Variants in LGSN observed in about 807,000 individuals in gnomAD.
LGSN encodes lengsin, lens protein with glutamine synthetase domain, also known as lengsin.
In LGSN, 21 loss-of-function variants were observed where a neutral mutation model predicts 19.5. The ratio of observed to expected loss-of-function variants is 1.07; its 90% CI spans 0.76 to 1.55. The LOEUF (loss-of-function observed/expected upper bound fraction) is 1.55, where lower values mean the gene tolerates loss of function less well. LGSN is among the 40% of genes most tolerant of loss of function. The probability of loss-of-function intolerance (pLI) is 0.00; values close to 1 mark genes in which losing one functional copy is unlikely to be tolerated. For synonymous variants in LGSN, 257 were observed against 215.6 expected (o/e 1.19, Z -1.68); for missense variants, 673 against 608.5 (o/e 1.11, Z -1.12).
intron 1 of LGSN, among the ~76,000 whole-genome samples, chr6:63,301,242 G>C (rs921500743): frequency 3.3e-5 from 5 of 152,132 alleles, no homozygotes; most frequent in Non-Finnish European, 7.4e-5. Context: ...AGTGAGCCAA[G>C]ATTGCGCCAC....
the LGSN span, among the ~76,000 whole-genome samples, chr6:63,336,133 G>T: frequency 6.6e-6 from 1 of 152,118 alleles, no homozygotes; most frequent in East Asian, 1.9e-4. Context: ...TAAATAGAAG[G>T]AATAATTTAT....
At chr6:63,340,655 C>A in the LGSN span, among the ~76,000 whole-genome samples, 1 of 150,000 alleles carries the variant, frequency 6.7e-6, no homozygotes, top group African/African-American at 2.5e-5. Flanking sequence ...TTGAATTTCT[C>A]ATTCATATCA....
the LGSN span, among the ~76,000 whole-genome samples, chr6:63,467,683 A>G: frequency 8.1e-6 from 1 of 123,854 alleles, no homozygotes; most frequent in Non-Finnish European, 1.9e-5. Flanking sequence ...CTGTGGTCTC[A>G]TTTAATCTTT....
In LGSN at chr6:63,276,317, G is replaced by A. The variant is rs962089580; in HGVS notation, c.*3704C>T. 4 of 152,090 alleles carry A rather than the reference G, an allele frequency of 2.6e-5. No homozygotes were observed. The highest frequency in any genetic ancestry group is 2.1e-4 in the South Asian group (1 of 4,832). The allele number at this position is 152,090 out of a possible 1,614,324, so 9.4% of individuals were successfully genotyped here. On this transcript the variant is annotated 3_prime_UTR_variant, in exon 4 of 4. Coordinates refer to ENST00000370657, the MANE Select transcript of LGSN (RefSeq NM_016571.3). ...TTGCCTTCAAATAATCATTTCAAGCGTTGTTGTTATTCACACACTGTAAAA... is the reference window on the plus strand; with the variant it reads ...TTGCCTTCAAATAATCATTTCAAGCATTGTTGTTATTCACACACTGTAAAA...
the LGSN span, among the ~76,000 whole-genome samples, chr6:63,474,533 T>A: frequency 6.8e-6 from 1 of 147,058 alleles, no homozygotes; most frequent in African/African-American, 2.5e-5. Flanking sequence ...GGCATGAACC[T>A]GGGAGGTGGA....
the LGSN span, among the ~76,000 whole-genome samples, chr6:63,449,709 T>A: frequency 2.0e-5 from 3 of 152,052 alleles, no homozygotes; most frequent in African/African-American, 7.2e-5. Context: ...TATCTGATGT[T>A]TGAGGCTATT....
Position 63,280,144 on chromosome 6 carries a change from A to G in LGSN, c.1407T>C (p.Asp469=). 1 of 1,614,224 alleles carries G rather than the reference A, an allele frequency of 6.2e-7. No individual in the cohort carries two copies. The highest frequency in any genetic ancestry group is 1.1e-5 in the South Asian group (1 of 91,090). Residue 469 remains aspartate, a synonymous_variant, in exon 4 of 4, where the codon GAT becomes GAC. Coordinates refer to ENST00000370657, the MANE Select transcript of LGSN (RefSeq NM_016571.3). ...LEDALVALEE[D]QCLRQALGET... ...CTCCTAGAGCCTGTCTCAGGCATTG[A>G]TCTTCTTCCAGTGCCACAAGGGCAT...
At chr6:63,341,502 G>A in the LGSN span, among the ~76,000 whole-genome samples, 2 of 152,124 alleles carry the variant, frequency 1.3e-5, no homozygotes, top group Non-Finnish European at 2.9e-5. Flanking sequence ...AGTAGCAGCA[G>A]CCCCAGGAAG....
At chr6:63,353,946 C>T in the LGSN span, among the ~76,000 whole-genome samples, 2 of 151,992 alleles carry the variant, frequency 1.3e-5, no homozygotes, top group Non-Finnish European at 2.9e-5. Context: ...TATTTATACA[C>T]AGAAGAATGA....
chr6:63,494,101 C>A, the LGSN span, among the ~76,000 whole-genome samples: 1 of 152,022 alleles, frequency 6.6e-6, no homozygotes, highest in Non-Finnish European at 1.5e-5. Flanking sequence ...AGGCATGTGC[C>A]ACCGTGTCCG....
chr6:63,378,034 GAAAAAA>G, the LGSN span, among the ~76,000 whole-genome samples: 5 of 85,442 alleles, frequency 5.9e-5, no homozygotes, highest in Admixed American at 1.4e-4. Context: ...CCAGATTTTT[GAAAAAA>G]AAAAAAAAAA....
At chr6:63,321,668 A>G (rs770536472), upstream of LGSN, among the ~76,000 whole-genome samples, 1 of 152,198 alleles carries the variant, frequency 6.6e-6, no homozygotes, top group African/African-American at 2.4e-5. Flanking sequence ...TGGTATTAGC[A>G]TGATACATAT....
At chr6:63,440,514 A>G in the LGSN span, among the ~76,000 whole-genome samples, 3 of 152,204 alleles carry the variant, frequency 2.0e-5, no homozygotes, top group East Asian at 5.8e-4. Flanking sequence ...TTTCTACAAT[A>G]GTATCACCTT....
At chr6:63,358,148 T>C in the LGSN span, among the ~76,000 whole-genome samples, 6 of 152,238 alleles carry the variant, frequency 3.9e-5, no homozygotes, top group South Asian at 8.3e-4. Context: ...GTTGTAGATA[T>C]GTGGCATTAT....
At chr6:63,283,231 G>A (rs1582019010) in intron 3 of LGSN, among the ~76,000 whole-genome samples, 2 of 151,998 alleles carry the variant, frequency 1.3e-5, no homozygotes, top group African/African-American at 4.8e-5. Flanking sequence ...GGAAGTATAT[G>A]AATATATGTT....
chr6:63,414,359 A>G, the LGSN span, among the ~76,000 whole-genome samples: 1 of 152,190 alleles, frequency 6.6e-6, no homozygotes, highest in South Asian at 2.1e-4. Flanking sequence ...TTCAATAAGT[A>G]TAAAGTTTCA....
intron 1 of LGSN, among the ~76,000 whole-genome samples, chr6:63,314,964 G>A (rs1368811310): frequency 6.6e-6 from 1 of 152,150 alleles, no homozygotes; most frequent in Non-Finnish European, 1.5e-5. Context: ...AACTCAGAAG[G>A]ACAATGACAA....
chr6:63,403,705 C>A, the LGSN span, among the ~76,000 whole-genome samples: 1 of 152,016 alleles, frequency 6.6e-6, no homozygotes, highest in African/African-American at 2.4e-5. Flanking sequence ...ACACATTCTA[C>A]AATAACCTTT....
At chr6:63,483,326 A>G in the LGSN span, among the ~76,000 whole-genome samples, 1 of 150,416 alleles carries the variant, frequency 6.6e-6, no homozygotes. Context: ...AGCTCTAAAT[A>G]CTTCATGGAT....
Sources: gnomAD v4.1 joint callset for allele counts (sites outside exome capture counted in the v4.1 genomes callset) on GRCh38, gnomAD v4.1.1 for gene constraint, MANE v1.5 for transcripts, NCBI Gene and HGNC (gene_info 2026-07-23, HGNC 2026-07-21) for gene names.